B3GAT2: variants seen among roughly 807,000 people sequenced by gnomAD.
The protein encoded by B3GAT2 is beta-1,3-glucuronyltransferase 2, also known as galactosylgalactosylxylosylprotein 3-beta-glucuronosyltransferase 2.
In B3GAT2, 26 loss-of-function variants were observed where a neutral mutation model predicts 27.8. The ratio of observed to expected loss-of-function variants is 0.93; its 90% CI spans 0.68 to 1.30. B3GAT2 has a LOEUF of 1.30. B3GAT2 is among the 50% of genes most tolerant of loss of function. The pLI, the probability that B3GAT2 is intolerant of heterozygous loss-of-function variation, is 0.00. For missense variants in B3GAT2, 458 were observed against 459.0 expected, an observed-to-expected ratio of 1.00 and a Z score of 0.02; for synonymous variants, 218 against 195.1, an observed-to-expected ratio of 1.12 and a Z score of -0.98.
rs186093206 is a variant in B3GAT2 at position 70,922,369 on chromosome 6, A to G, written c.592-28097T>C. ...TCAATCTAATTGACAAATATAGAAC[A>G]CTGTATCCAACAATCGCAGAATAAA... is the stretch of plus-strand genomic sequence containing the variant. On this transcript the variant is annotated intron_variant, in intron 1 of 3. Transcript: ENST00000230053. Among the ~76,000 whole-genome samples, 8 of 152,338 alleles carry G rather than the reference A, an allele frequency of 5.3e-5. No individual in the cohort carries two copies. In the East Asian group the frequency reaches 1.5e-3, roughly 29 times the overall value.
At chr6:70,934,975 A>C (rs577503674) in intron 1 of B3GAT2, among the ~76,000 whole-genome samples, 142 of 152,328 alleles carry the variant, frequency 9.3e-4, no homozygotes, top group Middle Eastern at 3.4e-3. Flanking sequence ...GTCAGTCCTG[A>C]AGCTTTTCTA....
rs182368612 is a variant in B3GAT2, at chr6:70,873,048, A to G, written c.737-11070T>C. ...TTGTGCTCCTCAAACCAGATTTCTG[A>G]TGACTGGTTTATGTAGCTGTTTTTC... On this transcript the variant is annotated intron_variant, in intron 2 of 3. Transcript: ENST00000230053. 2.0e-5 allele frequency among the ~76,000 whole-genome samples: 3 copies of G among 152,188 alleles called. No individual in the cohort carries two copies. In the East Asian group the frequency reaches 5.8e-4, roughly 29 times the overall value.
chr6:70,872,374 G>C (rs1307658031), intron 2 of B3GAT2, among the ~76,000 whole-genome samples: 1 of 151,844 alleles, frequency 6.6e-6, no homozygotes, highest in Admixed American at 6.6e-5. Context: ...TCTGCTGTAA[G>C]TCACGTATAT....
intron 2 of B3GAT2, among the ~76,000 whole-genome samples, chr6:70,888,002 C>T (rs556277486): frequency 6.6e-6 from 1 of 152,304 alleles, no homozygotes; most frequent in South Asian, 2.1e-4. Flanking sequence ...CATGAGTAGC[C>T]CCTGAAGAGC....
At chr6:70,922,835 C>T (rs935322590) in intron 1 of B3GAT2, among the ~76,000 whole-genome samples, 23 of 151,866 alleles carry the variant, frequency 1.5e-4, no homozygotes, top group Non-Finnish European at 2.9e-4. Flanking sequence ...AATCAATGAG[C>T]GATAGACAAT....
chr6:70,956,966 G>A lies in B3GAT2; in HGVS notation c.-537C>T. ...GTGGCGAGGAGCGGGTGGAGACGCT[G>A]GGGGTTGTGTCCCGGCTGTGTTCGC... is the stretch of plus-strand genomic sequence containing the variant. On this transcript the variant is annotated 5_prime_UTR_variant, in exon 1 of 4. Coordinates refer to ENST00000230053, the MANE Select transcript of B3GAT2 (RefSeq NM_080742.3). The A allele has an allele frequency of 9.9e-7, 1 of 1,009,242 alleles. No individual in the cohort carries two copies. The highest frequency in any genetic ancestry group is 1.2e-6 in the Non-Finnish European group (1 of 846,092). The allele number at this position is 1,009,242 out of a possible 1,614,324, so 62.5% of individuals were successfully genotyped here.
At position 70,857,110 on chromosome 6, in the gene B3GAT2, A is replaced by G; in HGVS notation, c.*4553T>C. The G allele has an allele frequency of 1.5e-6, 2 of 1,366,404 alleles. No homozygotes were observed. Among genetic ancestry groups the G allele is most frequent in the Non-Finnish European group, 2.0e-6 (2 of 1,022,422 alleles). The allele number at this position is 1,366,404 out of a possible 1,614,324, so 84.6% of individuals were successfully genotyped here. ...AATTATATAATAAGATCAATTATATATCTTTTATTGTTCCATGTAGTGAGT... is the reference window on the plus strand; with the variant it reads ...AATTATATAATAAGATCAATTATATGTCTTTTATTGTTCCATGTAGTGAGT... On this transcript the variant is annotated 3_prime_UTR_variant, in exon 4 of 4. Transcript: ENST00000230053.
rs898399392 is a variant in B3GAT2 at position 70,936,597 on chromosome 6, A to G, written c.591+19242T>C. ...TCAAACTAGAACTCAAGATTAAGAAACTCACTCAAAACCGCTCAGCTACAT... is the reference window on the plus strand; with the variant it reads ...TCAAACTAGAACTCAAGATTAAGAAGCTCACTCAAAACCGCTCAGCTACAT... On this transcript the variant is annotated intron_variant, in intron 1 of 3. Transcript: ENST00000230053. Among the ~76,000 whole-genome samples, 6 of 152,222 alleles carry G rather than the reference A, an allele frequency of 3.9e-5. 1 individual carries two copies. In the South Asian group the frequency reaches 6.3e-4, roughly 16 times the overall value.
intron 1 of B3GAT2, among the ~76,000 whole-genome samples, chr6:70,925,262 T>C (rs1772934957): frequency 6.6e-6 from 1 of 152,256 alleles, no homozygotes; most frequent in Admixed American, 6.5e-5. Flanking sequence ...TTTCTGCATT[T>C]CCAACTAAGG....
At chr6:70,932,722 C>T (rs895190016) in intron 1 of B3GAT2, among the ~76,000 whole-genome samples, 4 of 152,164 alleles carry the variant, frequency 2.6e-5, no homozygotes, top group African/African-American at 9.7e-5. Flanking sequence ...CACAGGAATA[C>T]TCAATTTTTG....
intron 1 of B3GAT2, 116 bp downstream of exon 1, chr6:70,955,723 G>A: frequency 8.2e-7 from 1 of 1,221,618 alleles, no homozygotes. Flanking sequence ...ATGCGCGCAC[G>A]GAGAACTGAG....
intron 2 of B3GAT2, among the ~76,000 whole-genome samples, chr6:70,873,008 A>G (rs979441303): frequency 1.3e-5 from 2 of 152,102 alleles, no homozygotes; most frequent in Non-Finnish European, 1.5e-5. Context: ...CATAAAAATT[A>G]TATCTTTATA....
Position 70,860,533 on chromosome 6 carries a change from C to T in B3GAT2, c.*1130G>A. The T allele has an allele frequency of 2.0e-6, 1 of 505,596 alleles. No homozygotes were observed. The highest frequency in any genetic ancestry group is 3.2e-6 in the Non-Finnish European group (1 of 313,020). 31.3% of individuals were successfully genotyped at this position (505,596 alleles called of 1,614,324 possible). A position where few individuals can be genotyped will look rare whatever the true frequency, so the allele number is the denominator to read the frequency against. ...AGCAGGTTGATAAATCATTTTATGT[C>T]AAGGGCAGCTTTGCTCATATTTCCC... On this transcript the variant is annotated 3_prime_UTR_variant, in exon 4 of 4. Coordinates refer to ENST00000230053, the MANE Select transcript of B3GAT2 (RefSeq NM_080742.3).
At chr6:70,929,607 G>C (rs1412619250) in intron 1 of B3GAT2, among the ~76,000 whole-genome samples, 1 of 152,082 alleles carries the variant, frequency 6.6e-6, no homozygotes, top group African/African-American at 2.4e-5. Flanking sequence ...GCTTCAAAGA[G>C]AATAAAACAC....
intron 1 of B3GAT2, among the ~76,000 whole-genome samples, chr6:70,899,254 T>G (rs1008083009): frequency 6.6e-6 from 1 of 152,236 alleles, no homozygotes; most frequent in Non-Finnish European, 1.5e-5. Flanking sequence ...TGTTTTGCAT[T>G]AGACTTTTCA....
intron 1 of B3GAT2, among the ~76,000 whole-genome samples, chr6:70,927,840 T>C (rs1013798437): frequency 6.6e-6 from 1 of 152,192 alleles, no homozygotes; most frequent in African/African-American, 2.4e-5. Context: ...GTGGACTTAA[T>C]AGACACATAC....
chr6:70,939,839 A>T (rs1359315135), intron 1 of B3GAT2, among the ~76,000 whole-genome samples: 1 of 152,082 alleles, frequency 6.6e-6, no homozygotes. Flanking sequence ...GCACATGTAT[A>T]CATATGTAAC....
intron 1 of B3GAT2, among the ~76,000 whole-genome samples, chr6:70,910,641 T>C (rs1772675175): frequency 6.6e-6 from 1 of 152,250 alleles, no homozygotes; most frequent in African/African-American, 2.4e-5. Flanking sequence ...AACGTGTGTG[T>C]GCATGTGTCT....
chr6:70,887,822 C>A (rs886674934), intron 2 of B3GAT2, among the ~76,000 whole-genome samples: 4 of 152,132 alleles, frequency 2.6e-5, no homozygotes, highest in Admixed American at 2.6e-4. Context: ...AGGAGCATTT[C>A]CAGGCAGGGG....
Sources: allele counts gnomAD v4.1 joint callset (sites outside exome capture counted in the v4.1 genomes callset), GRCh38; gene constraint gnomAD v4.1.1; transcripts MANE v1.5; gene names NCBI Gene and HGNC (gene_info 2026-07-23, HGNC 2026-07-21).